ZNF536: variants seen among roughly 807,000 people sequenced by gnomAD.
ZNF536 encodes zinc finger protein 536.
Under a neutral mutation model 84.5 loss-of-function variants are expected in ZNF536, and 13 were observed. The ratio of observed to expected loss-of-function variants is 0.15; its 90% CI spans 0.10 to 0.24. The LOEUF is 0.24. ZNF536 is among the 10% of genes least tolerant of loss of function. ZNF536 has a pLI of 1.00. For synonymous variants in ZNF536, 811 were observed against 742.5 expected, an observed-to-expected ratio of 1.09 and a Z score of -1.50; for missense variants, 1,536 against 1,747.5, an observed-to-expected ratio of 0.88 and a Z score of 2.16.
At chr19:30,260,820 C>T (rs551263470) in intron 1 of ZNF536, among the ~76,000 whole-genome samples, 1 of 152,164 alleles carries the variant, frequency 6.6e-6, no homozygotes, top group Non-Finnish European at 1.5e-5. Context: ...CTTCATACCC[C>T]CAAGCCCAGT....
intron 1 of ZNF536, among the ~76,000 whole-genome samples, chr19:30,576,547 A>G (rs1294451061): frequency 6.6e-6 from 1 of 152,146 alleles, no homozygotes; most frequent in Non-Finnish European, 1.5e-5. Context: ...AGCTGCAGAT[A>G]GGCTGTGCTC....
At chr19:30,403,123 A>G (rs1007054589) in intron 1 of ZNF536, among the ~76,000 whole-genome samples, 3 of 152,100 alleles carry the variant, frequency 2.0e-5, no homozygotes, top group African/African-American at 7.2e-5. Flanking sequence ...GCACTTTGAG[A>G]TGCTGCCTGG....
At position 30,516,191 on chromosome 19, in the gene ZNF536, A is replaced by T. The variant is rs1037184736; in HGVS notation, c.2171-18656A>T. On this transcript the variant is annotated intron_variant, in intron 2 of 4. Coordinates refer to ENST00000355537, the MANE Select transcript of ZNF536 (RefSeq NM_014717.3). ...TTTGCTGTGGTCTAATTGCTCTAAGATGAATGAGGACCATAGAGAGAACTA... is the reference window on the plus strand; with the variant it reads ...TTTGCTGTGGTCTAATTGCTCTAAGTTGAATGAGGACCATAGAGAGAACTA... Among the ~76,000 whole-genome samples the T allele has an allele frequency of 5.9e-5, 9 of 152,192 alleles. No homozygotes were observed. In the East Asian group the frequency reaches 1.7e-3, roughly 29 times the overall value.
At chr19:30,676,993 G>A (rs12610344) in intron 1 of ZNF536, among the ~76,000 whole-genome samples, 72,073 of 152,004 alleles carry the variant, frequency 0.47, 17,331 homozygotes, top group African/African-American at 0.5. Flanking sequence ...GTTGTGAGCC[G>A]ACACACCCAG....
At chr19:30,418,068 T>C (rs1417767518) in intron 1 of ZNF536, among the ~76,000 whole-genome samples, 1 of 152,106 alleles carries the variant, frequency 6.6e-6, no homozygotes, top group Admixed American at 6.5e-5. Flanking sequence ...TTGATATAAG[T>C]ATATTTTCAT....
chr19:30,589,179 G>T (rs537252497), intron 1 of ZNF536, among the ~76,000 whole-genome samples: 2 of 152,118 alleles, frequency 1.3e-5, no homozygotes, highest in Admixed American at 6.5e-5. Context: ...TCTTTGCATC[G>T]GTTACCACCA....
At chr19:30,462,834 G>A (rs2053210690) in intron 2 of ZNF536, among the ~76,000 whole-genome samples, 1 of 95,294 alleles carries the variant, frequency 1.0e-5, no homozygotes, top group Admixed American at 1.0e-4. Flanking sequence ...ATGGAATGGT[G>A]TGAGTGTTGT....
intron 1 of ZNF536, among the ~76,000 whole-genome samples, chr19:30,639,152 A>G (rs2049175774): frequency 6.6e-6 from 1 of 152,174 alleles, no homozygotes; most frequent in South Asian, 2.1e-4. Context: ...TTTTTATCAA[A>G]TGTCAGACAT....
At chr19:30,415,911 A>G (rs1288491264) in intron 1 of ZNF536, among the ~76,000 whole-genome samples, 1 of 152,084 alleles carries the variant, frequency 6.6e-6, no homozygotes, top group Non-Finnish European at 1.5e-5. Flanking sequence ...TGCCCGGCCC[A>G]TCATCATCAT....
chr19:30,519,743 CCATT>C (rs371236458), intron 2 of ZNF536, among the ~76,000 whole-genome samples: 2,382 of 152,230 alleles, frequency 0.016, 66 homozygotes, highest in African/African-American at 0.053. Flanking sequence ...CTCCCCAACA[CCATT>C]CATTCATTCA....
chr19:30,303,663 C>T (rs561461720), intron 2 of ZNF536, among the ~76,000 whole-genome samples: 17 of 152,094 alleles, frequency 1.1e-4, no homozygotes, highest in African/African-American at 2.2e-4. Context: ...CCACCACGCC[C>T]GGCTAATTTT....
At chr19:30,309,061 A>AT (rs2046421908) in intron 2 of ZNF536, among the ~76,000 whole-genome samples, 2 of 152,172 alleles carry the variant, frequency 1.3e-5, no homozygotes, top group East Asian at 3.9e-4. Flanking sequence ...CTAGGAAAAA[A>AT]GTTCTGGAAA....
At chr19:30,369,056 A>G (rs1257511159), upstream of ZNF536, among the ~76,000 whole-genome samples, 2 of 152,144 alleles carry the variant, frequency 1.3e-5, no homozygotes, top group Non-Finnish European at 2.9e-5. Context: ...GTCTCCCTCC[A>G]ACTGTCCACG....
In ZNF536 at chr19:30,466,202, G is replaced by A. The variant is rs114218141; in HGVS notation, c.2170+20470G>A. Among the ~76,000 whole-genome samples the A allele has an allele frequency of 8.4e-3, 1,275 of 151,188 alleles. 17 individuals are homozygous for A. Among genetic ancestry groups the A allele is most frequent in the African/African-American group, 0.03 (1,232 of 41,190 alleles). ...CGTTCCACTGCATTCCAGCCTGGGCGACACAATGAGACCCTGTCTAAAAAA... is the reference window on the plus strand; with the variant it reads ...CGTTCCACTGCATTCCAGCCTGGGCAACACAATGAGACCCTGTCTAAAAAA... On this transcript the variant is annotated intron_variant, in intron 2 of 4. Transcript: ENST00000355537.
intron 1 of ZNF536, among the ~76,000 whole-genome samples, chr19:30,432,266 C>T (rs1012661788): frequency 6.6e-6 from 1 of 152,088 alleles, no homozygotes; most frequent in Non-Finnish European, 1.5e-5. Context: ...CCGTGGGCAA[C>T]GTCCCCTCTC....
chr19:30,631,042 A>G (rs1315038320), intron 1 of ZNF536, among the ~76,000 whole-genome samples: 1 of 152,182 alleles, frequency 6.6e-6, no homozygotes, highest in African/African-American at 2.4e-5. Flanking sequence ...CTCCCCTGGC[A>G]TCAGAGGCTC....
At chr19:30,485,161 A>AATAAATAAATTC (rs145807753) in intron 2 of ZNF536, among the ~76,000 whole-genome samples, 7,634 of 151,750 alleles carry the variant, frequency 0.05, 627 homozygotes, top group African/African-American at 0.18. Flanking sequence ...TAAATAAATA[A>AATAAATAAATTC]ATAAATAAAT....
intron 1 of ZNF536, among the ~76,000 whole-genome samples, chr19:30,572,508 C>T (rs1000578473): frequency 6.6e-6 from 1 of 152,166 alleles, no homozygotes; most frequent in Non-Finnish European, 1.5e-5. Context: ...TCCTGGGGAA[C>T]GAGGAAACAG....
At position 30,545,490 on chromosome 19, in the gene ZNF536, C is replaced by T. The variant is rs995489288; in HGVS notation, c.2324-2453C>T. On this transcript the variant is annotated intron_variant, in intron 3 of 4. Transcript: ENST00000355537. ...TCGGCTCACTGCAAGCTCCGCCTCC[C>T]GGGTTTACGCCATTCTCCTGCCTCA... is the stretch of plus-strand genomic sequence containing the variant. Among the ~76,000 whole-genome samples the T allele has an allele frequency of 4.7e-5, 7 of 149,998 alleles. No individual in the cohort carries two copies. In the South Asian group the frequency reaches 8.6e-4, roughly 18 times the overall value.
Sources: allele counts gnomAD v4.1 joint callset (sites outside exome capture counted in the v4.1 genomes callset), GRCh38; gene constraint gnomAD v4.1.1; transcripts MANE v1.5; gene names NCBI Gene and HGNC (gene_info 2026-07-23, HGNC 2026-07-21).